PACRG: variants seen among roughly 807,000 people sequenced by gnomAD.
PACRG encodes parkin coregulated gene protein.
PACRG carries 29 observed loss-of-function variants against 29.7 expected under a neutral mutation model. The ratio of observed to expected loss-of-function variants is 0.98; its 90% confidence interval spans 0.73 to 1.33. The LOEUF (loss-of-function observed/expected upper bound fraction) is 1.33, where lower values mean the gene tolerates loss of function less well. Among genes scored for constraint, PACRG ranks in the 40% most tolerant of loss-of-function variants. The pLI is 0.00. For missense variants in PACRG, 279 were observed against 316.2 expected, an observed-to-expected ratio of 0.88 and a Z score of 0.89; for synonymous variants, 116 against 118.7, an observed-to-expected ratio of 0.98 and a Z score of 0.15.
In PACRG at chr6:163,269,793, AAAGG is replaced by A. The variant is rs1261086367; in HGVS notation, c.614-45008_614-45005del. ...GACAGACAGACAGACAGAAAGAAAG[AAAGG>A]AAGGAAGGAAGGAAGGAAGGAAGGA... On this transcript the variant is annotated intron_variant, in intron 4 of 4. Coordinates refer to ENST00000366888, the MANE Select transcript of PACRG (RefSeq NM_001080379.2). 9.6e-3 allele frequency among the ~76,000 whole-genome samples: 783 copies of A among 81,524 alleles called. 110 individuals are homozygous for A. The highest frequency in any genetic ancestry group is 0.015 in the Middle Eastern group (2 of 130). 53.5% of individuals were successfully genotyped at this position (81,524 alleles called of 152,430 possible).
intron 2 of PACRG, among the ~76,000 whole-genome samples, chr6:162,958,200 A>T (rs1188190850): frequency 3.3e-5 from 5 of 152,222 alleles, no homozygotes; most frequent in Admixed American, 2.6e-4. Flanking sequence ...GTGCTTTGCA[A>T]ATCTAGCTGG....
rs533621802 is a variant in PACRG, at chr6:162,756,494, A to G, written c.156+28103A>G. On this transcript the variant is annotated intron_variant, in intron 1 of 4. Coordinates refer to ENST00000366888, the MANE Select transcript of PACRG (RefSeq NM_001080379.2). The stretch of plus-strand genomic sequence containing the variant: ...CACTTTCAGTTTATATTTGCATGAA[A>G]TATCTTTTTCCAGGCCTACATTTTC... Among the ~76,000 whole-genome samples, 19 of 152,204 alleles carry G rather than the reference A, an allele frequency of 1.2e-4. No individual in the cohort carries two copies. In the East Asian group the frequency reaches 3.7e-3, roughly 29 times the overall value.
chr6:162,997,496 C>T (rs1804177007), intron 2 of PACRG: 1 of 445,964 alleles, frequency 2.2e-6, no homozygotes, highest in South Asian at 1.6e-5. Context: ...ATCATGTCTT[C>T]CAATGAATAG....
intron 2 of PACRG, among the ~76,000 whole-genome samples, chr6:163,061,461 T>C (rs575053183): frequency 6.6e-6 from 1 of 152,276 alleles, no homozygotes; most frequent in African/African-American, 2.4e-5. Flanking sequence ...CTGAGGGTGA[T>C]GGGTGGAGAT....
At chr6:163,013,439 T>C (rs1438806724) in intron 2 of PACRG, among the ~76,000 whole-genome samples, 1 of 150,702 alleles carries the variant, frequency 6.6e-6, no homozygotes, top group Non-Finnish European at 1.5e-5. Flanking sequence ...ATAGTCAGTA[T>C]TACCTGTACG....
chr6:163,048,502 T>C (rs570006853), intron 2 of PACRG, among the ~76,000 whole-genome samples: 2 of 152,314 alleles, frequency 1.3e-5, no homozygotes, highest in East Asian at 3.9e-4. Context: ...TTCAGTGAGA[T>C]TGAACTCTAT....
intron 2 of PACRG, among the ~76,000 whole-genome samples, chr6:162,959,133 A>G (rs1375709963): frequency 6.7e-6 from 1 of 148,554 alleles, no homozygotes; most frequent in African/African-American, 2.5e-5. Flanking sequence ...TGACAAGGCT[A>G]GTCTTGAATT....
intron 4 of PACRG, among the ~76,000 whole-genome samples, chr6:163,297,292 C>G (rs547398649): frequency 6.6e-6 from 1 of 152,370 alleles, no homozygotes; most frequent in Admixed American, 6.5e-5. Context: ...CACTGAAATA[C>G]TTCTTCAGTG....
chr6:162,894,541 A>G (rs1242328314), intron 2 of PACRG, among the ~76,000 whole-genome samples: 4 of 152,282 alleles, frequency 2.6e-5, no homozygotes, highest in Middle Eastern at 3.4e-3. Context: ...AAAGAGCTCT[A>G]TTTGGGTGCA....
intron 2 of PACRG, among the ~76,000 whole-genome samples, chr6:162,869,104 AG>A (rs977695163): frequency 3.3e-5 from 5 of 152,162 alleles, no homozygotes; most frequent in Non-Finnish European, 4.4e-5. Flanking sequence ...AGAACAGCAA[AG>A]ATTTGCTGGG....
chr6:163,079,967 G>A (rs900758948), intron 3 of PACRG, among the ~76,000 whole-genome samples: 7 of 139,224 alleles, frequency 5.0e-5, no homozygotes, highest in Admixed American at 8.3e-5. Flanking sequence ...GCGCGGTCTC[G>A]GCTCACTGCA....
chr6:163,198,870 G>A (rs1211206685), intron 4 of PACRG, among the ~76,000 whole-genome samples: 1 of 152,194 alleles, frequency 6.6e-6, no homozygotes, highest in Non-Finnish European at 1.5e-5. Context: ...ACATCAGTCA[G>A]TACATGTGAG....
At chr6:163,064,365 C>T (rs368505944) in intron 3 of PACRG, among the ~76,000 whole-genome samples, 12 of 152,180 alleles carry the variant, frequency 7.9e-5, no homozygotes, top group African/African-American at 2.2e-4. Context: ...GGTCATCTGC[C>T]GATGAGCGAA....
intron 4 of PACRG, among the ~76,000 whole-genome samples, chr6:163,257,943 T>C (rs796195035): frequency 4.6e-5 from 7 of 152,292 alleles, no homozygotes; most frequent in African/African-American, 1.7e-4. Flanking sequence ...TTTTATTAAA[T>C]ATTATTATTT....
intron 4 of PACRG, among the ~76,000 whole-genome samples, chr6:163,156,406 G>A (rs911349863): frequency 1.3e-5 from 2 of 151,908 alleles, no homozygotes; most frequent in Non-Finnish European, 2.9e-5. Context: ...ACTCTTCTTC[G>A]CCCTTCTCCT....
chr6:162,938,241 T>C (rs369838059), intron 2 of PACRG, among the ~76,000 whole-genome samples: 17 of 152,254 alleles, frequency 1.1e-4, no homozygotes, highest in African/African-American at 3.6e-4. Flanking sequence ...ATTCCTTTTT[T>C]ATGGATGAAT....
At chr6:162,841,605 C>G (rs1789776815) in intron 2 of PACRG, among the ~76,000 whole-genome samples, 1 of 150,374 alleles carries the variant, frequency 6.7e-6, no homozygotes, top group Admixed American at 6.6e-5. Context: ...TTCAGTTCTG[C>G]TCTGATTTTA....
chr6:163,040,837 T>C (rs1193103623), intron 2 of PACRG, among the ~76,000 whole-genome samples: 8 of 152,194 alleles, frequency 5.3e-5, no homozygotes, highest in Admixed American at 5.2e-4. Context: ...TACAGGCTCA[T>C]AGGTGGAAGG....
chr6:163,267,917 G>T (rs1207194789), intron 4 of PACRG, among the ~76,000 whole-genome samples: 2 of 152,108 alleles, frequency 1.3e-5, no homozygotes, highest in African/African-American at 4.8e-5. Flanking sequence ...ACACCCAAAT[G>T]AGTTACTTTT....
Sources: gnomAD v4.1 joint callset for allele counts (sites outside exome capture counted in the v4.1 genomes callset) on GRCh38, gnomAD v4.1.1 for gene constraint, MANE v1.5 for transcripts, NCBI Gene and HGNC (gene_info 2026-07-23, HGNC 2026-07-21) for gene names.